CYP39A1: variants seen among roughly 807,000 people sequenced by gnomAD.
CYP39A1 encodes 24-hydroxycholesterol 7-alpha-hydroxylase.
CYP39A1 carries 49 observed loss-of-function variants against 58.1 expected under a neutral mutation model. That is an observed-to-expected ratio of 0.84 (90% CI 0.67 to 1.07). The LOEUF is 1.07. Ranked by LOEUF, CYP39A1 falls within the 50% of genes least tolerant of loss-of-function variation. The probability of loss-of-function intolerance (pLI) is 0.00; values close to 1 mark genes in which losing one functional copy is unlikely to be tolerated. For missense variants in CYP39A1, 531 were observed against 539.4 expected, an observed-to-expected ratio of 0.98 and a Z score of 0.16; for synonymous variants, 209 against 187.6, an observed-to-expected ratio of 1.11 and a Z score of -0.93.
intron 7 of CYP39A1, among the ~76,000 whole-genome samples, chr6:46,597,871 A>G (rs1773259818): frequency 6.6e-6 from 1 of 152,102 alleles, no homozygotes; most frequent in South Asian, 2.1e-4. Flanking sequence ...TTAAATTAAG[A>G]CCTTCGGCTT....
At chr6:46,638,072 G>A (rs554131230) in intron 3 of CYP39A1, 94 bp from the exon 4 acceptor site, 1 of 1,260,440 alleles carries the variant, frequency 7.9e-7, no homozygotes, top group Non-Finnish European at 1.1e-6. Flanking sequence ...AGCAATATAT[G>A]GGGAGCAGAT....
At chr6:46,582,007 T>A (rs1444266590) in intron 10 of CYP39A1, among the ~76,000 whole-genome samples, 1 of 152,194 alleles carries the variant, frequency 6.6e-6, no homozygotes, top group East Asian at 1.9e-4. Context: ...AGGATTCTGA[T>A]AACCTGGCTC....
At chr6:46,650,013 C>T (rs1425022167) in intron 1 of CYP39A1, among the ~76,000 whole-genome samples, 1 of 151,982 alleles carries the variant, frequency 6.6e-6, no homozygotes, top group African/African-American at 2.4e-5. Context: ...GATGCAATTT[C>T]GCATCAAGTC....
At chr6:46,576,357 T>C (rs1771844789) in intron 10 of CYP39A1, among the ~76,000 whole-genome samples, 3 of 151,992 alleles carry the variant, frequency 2.0e-5, no homozygotes, top group South Asian at 2.1e-4. Flanking sequence ...AAGCAAAAAG[T>C]CCCATCCAAA....
rs943752586 is a variant in CYP39A1 at position 46,591,395 on chromosome 6, A to T, written c.1066-3266T>A. 2.6e-5 allele frequency among the ~76,000 whole-genome samples: 4 copies of T among 152,196 alleles called. No individual in the cohort carries two copies. In the East Asian group the frequency reaches 7.7e-4, roughly 29 times the overall value. On this transcript the variant is annotated intron_variant, in intron 8 of 11. Transcript: ENST00000275016. ...ATTTGAGTTACACTTTTAAAAAATG[A>T]GACATTAAATTTTGCTATGGTACAT...
chr6:46,638,164 G>A (rs1324187948), intron 3 of CYP39A1, among the ~76,000 whole-genome samples, 186 bp from the exon 4 acceptor site: 1 of 152,100 alleles, frequency 6.6e-6, no homozygotes, highest in African/African-American at 2.4e-5. Flanking sequence ...TAATACAGGG[G>A]GAACTGAAAC....
intron 5 of CYP39A1, 22 bp from the exon 6 acceptor site, chr6:46,631,092 T>A: frequency 6.6e-7 from 1 of 1,519,064 alleles, no homozygotes; most frequent in Non-Finnish European, 9.1e-7. Flanking sequence ...AAATAAACAT[T>A]GCCAAACCAT....
intron 10 of CYP39A1, among the ~76,000 whole-genome samples, chr6:46,572,302 T>A (rs1462478741): frequency 6.6e-6 from 1 of 152,164 alleles, no homozygotes; most frequent in African/African-American, 2.4e-5. Context: ...TTAATTTGTG[T>A]CCTTTCATTT....
chr6:46,569,566 G>A (rs1190308482), intron 10 of CYP39A1, among the ~76,000 whole-genome samples: 1 of 151,960 alleles, frequency 6.6e-6, no homozygotes, highest in Non-Finnish European at 1.5e-5. Flanking sequence ...TTTGTTGACA[G>A]TTTTTTATCA....
rs200323103 is a variant in CYP39A1, at chr6:46,588,043, C to A, written c.1152G>T (p.Leu384Phe). 1 of 1,568,294 alleles carries A rather than the reference C, an allele frequency of 6.4e-7. No homozygotes were observed. Residue 384 changes from leucine (L) to phenylalanine (F), a missense_variant, in exon 9 of 12, where the codon TTG (leucine) becomes TTT (phenylalanine). Coordinates refer to ENST00000275016, the MANE Select transcript of CYP39A1 (RefSeq NM_016593.5). ...RNPKYFPEPE[L>F]FKPERWKKAN... ...GAAAGAGATAACTTACAGGTTTGAA[C>A]AATTCAGGCTCAGGAAAATACTTTG...
At chr6:46,634,524 CT>C (rs55887439) in intron 5 of CYP39A1, among the ~76,000 whole-genome samples, 39,190 of 130,740 alleles carry the variant, frequency 0.3, 5,901 homozygotes, top group East Asian at 0.54. Context: ...TTTCTTTTTG[CT>C]TTTTTTTTTT....
chr6:46,604,357 T>C (rs554183705), intron 7 of CYP39A1, among the ~76,000 whole-genome samples: 3 of 152,302 alleles, frequency 2.0e-5, no homozygotes, highest in Admixed American at 6.5e-5. Flanking sequence ...ATTTTTACTC[T>C]AGTGCTTTTT....
intron 11 of CYP39A1, among the ~76,000 whole-genome samples, chr6:46,553,327 G>C: frequency 6.6e-6 from 1 of 152,146 alleles, no homozygotes; most frequent in Non-Finnish European, 1.5e-5. Context: ...TCTGTTCACT[G>C]TTTTTACTGC....
intron 7 of CYP39A1, among the ~76,000 whole-genome samples, chr6:46,599,604 C>T (rs1253705327): frequency 6.6e-6 from 1 of 152,098 alleles, no homozygotes; most frequent in Non-Finnish European, 1.5e-5. Flanking sequence ...TTCCCGCTAT[C>T]CAACTTCTGA....
chr6:46,591,386 T>A (rs1293305853), intron 8 of CYP39A1, among the ~76,000 whole-genome samples: 1 of 152,042 alleles, frequency 6.6e-6, no homozygotes, highest in East Asian at 1.9e-4. Flanking sequence ...GTTACACTTT[T>A]AAAAAATGAG....
intron 2 of CYP39A1, among the ~76,000 whole-genome samples, chr6:46,641,017 T>C (rs944189865): frequency 2.6e-5 from 4 of 151,956 alleles, no homozygotes; most frequent in Non-Finnish European, 5.9e-5. Flanking sequence ...AGTATGCTAC[T>C]ATACATCTTC....
chr6:46,651,618 T>C (rs1405612494), intron 1 of CYP39A1, among the ~76,000 whole-genome samples: 1 of 152,204 alleles, frequency 6.6e-6, no homozygotes, highest in East Asian at 1.9e-4. Flanking sequence ...ATCTCAGAGA[T>C]TTTGAAGGCA....
intron 10 of CYP39A1, among the ~76,000 whole-genome samples, chr6:46,558,941 A>T (rs1324752922): frequency 6.7e-6 from 1 of 149,516 alleles, no homozygotes; most frequent in African/African-American, 2.5e-5. Flanking sequence ...GGGTGCAGTG[A>T]GCCGAGATCG....
At chr6:46,550,562 T>C in intron 11 of CYP39A1, 125 bp from the exon 12 acceptor site, 1 of 709,808 alleles carries the variant, frequency 1.4e-6, no homozygotes. Flanking sequence ...AGTTGGGAAA[T>C]GTTTGCATCA....
Sources: allele counts gnomAD v4.1 joint callset (sites outside exome capture counted in the v4.1 genomes callset), GRCh38; gene constraint gnomAD v4.1.1; transcripts MANE v1.5; gene names NCBI Gene and HGNC (gene_info 2026-07-23, HGNC 2026-07-21).